The following PNPT1 variants were observed in gnomAD, a reference collection of about 807,000 sequenced individuals.
PNPT1 encodes the protein polyribonucleotide nucleotidyltransferase 1, mitochondrial.
PNPT1 carries 53 observed loss-of-function variants against 119.5 expected under a neutral mutation model. That is an observed-to-expected ratio of 0.44 (90% CI 0.36 to 0.56). PNPT1 has a LOEUF of 0.56. Among genes scored for constraint, PNPT1 ranks in the 20% least tolerant of loss-of-function variants. The pLI, the probability that PNPT1 is intolerant of heterozygous loss-of-function variation, is 0.00. For synonymous variants in PNPT1, 357 were observed against 322.1 expected, an observed-to-expected ratio of 1.11 and a Z score of -1.16; for missense variants, 948 against 938.5, an observed-to-expected ratio of 1.01 and a Z score of -0.13.
intron 2 of PNPT1, 58 bp from the exon 3 acceptor site, chr2:55,686,502 G>C (rs1210926777): frequency 7.7e-7 from 1 of 1,295,596 alleles, no homozygotes; most frequent in Admixed American, 1.9e-5. Context: ...TAGCATCTAA[G>C]TAGCAACTGA....
chr2:55,665,454 G>A (rs1478028455), intron 13 of PNPT1, among the ~76,000 whole-genome samples: 1 of 152,020 alleles, frequency 6.6e-6, no homozygotes, highest in Non-Finnish European at 1.5e-5. Context: ...TAAAGAAGGA[G>A]ACATATATAT....
At chr2:55,645,303 C>T (rs1167738845) in intron 22 of PNPT1, 46 bp downstream of exon 22, 16 of 1,352,114 alleles carry the variant, frequency 1.2e-5, no homozygotes, top group East Asian at 9.3e-5. Flanking sequence ...GGATTACAGG[C>T]GTGAGCCACC....
chr2:55,684,858 A>G (rs1188608887), intron 4 of PNPT1, 85 bp downstream of exon 4: 1 of 1,355,970 alleles, frequency 7.4e-7, no homozygotes, highest in Non-Finnish European at 9.6e-7. Context: ...AAAACTTAAG[A>G]CTTATTGTAG....
intron 1 of PNPT1, among the ~76,000 whole-genome samples, chr2:55,688,609 C>T (rs1019721558): frequency 6.6e-6 from 1 of 152,000 alleles, no homozygotes; most frequent in African/African-American, 2.4e-5. Flanking sequence ...TCTATAATCC[C>T]AGCTACCAAG....
chr2:55,636,205 T>C lies in PNPT1; in HGVS notation c.*32A>G, dbSNP rs777184810. The C allele has an allele frequency of 4.3e-5, 66 of 1,537,606 alleles. No individual in the cohort carries two copies. The Admixed American group carries it at 4.5e-4, about 10-fold the overall frequency. ...CTACAGCACATCACCCTAGACAAAA[T>C]AGAATTCTAGAATTCTCTTTAAAAA... is the stretch of plus-strand genomic sequence containing the variant. On this transcript the variant is annotated 3_prime_UTR_variant, in exon 28 of 28. Coordinates refer to ENST00000447944, the MANE Select transcript of PNPT1 (RefSeq NM_033109.5).
At position 55,643,303 on chromosome 2, in the gene PNPT1, T is replaced by C; in HGVS notation, c.2013+16A>G. On this transcript the variant is annotated intron_variant, in intron 24 of 27. Coordinates refer to ENST00000447944, the MANE Select transcript of PNPT1 (RefSeq NM_033109.5). ...ATATAGCTATATGATACGTAATTAA[T>C]ATGATCTATACTTACATCATCCTTG... is the stretch of plus-strand genomic sequence containing the variant. 6.2e-7 allele frequency: 1 copy of C among 1,610,100 alleles called. No homozygotes were observed. The highest frequency in any genetic ancestry group is 8.5e-7 in the Non-Finnish European group (1 of 1,176,354).
intron 18 of PNPT1, among the ~76,000 whole-genome samples, chr2:55,650,605 C>G (rs1324940011): frequency 1.3e-5 from 2 of 151,742 alleles, no homozygotes; most frequent in Admixed American, 6.6e-5. Flanking sequence ...CGGCCGCCAT[C>G]CCATCTGGGA....
At chr2:55,650,840 C>T (rs1163180632) in intron 18 of PNPT1, among the ~76,000 whole-genome samples, 2 of 151,796 alleles carry the variant, frequency 1.3e-5, no homozygotes, top group Non-Finnish European at 2.9e-5. Flanking sequence ...GCAGCCACCC[C>T]GTCTGGGAAG....
chr2:55,677,596 CAAAAAAAAAA>C (rs70954146), intron 8 of PNPT1, among the ~76,000 whole-genome samples: 1 of 33,504 alleles, frequency 3.0e-5, no homozygotes, highest in African/African-American at 1.4e-4. Flanking sequence ...GACTATGTCT[CAAAAAAAAAA>C]AAAAAAAAAA....
In PNPT1 at chr2:55,660,077, C is replaced by T. The variant is rs1696515157; in HGVS notation, c.1284+80G>A. 45 of 1,388,674 alleles carry T rather than the reference C, an allele frequency of 3.2e-5. 3 individuals carry two copies. The South Asian group carries it at 6.2e-4, about 19-fold the overall frequency. 86.0% of individuals were successfully genotyped at this position (1,388,674 alleles called of 1,614,324 possible). ...TGAGACTGCACCACTCCACTCCAGC[C>T]TGGACAACAGGGTGAGACCTCGTCT... On this transcript the variant is annotated intron_variant, in intron 15 of 27. Coordinates refer to ENST00000447944, the MANE Select transcript of PNPT1 (RefSeq NM_033109.5).
intron 18 of PNPT1, among the ~76,000 whole-genome samples, chr2:55,649,099 C>T (rs1036242062): frequency 6.6e-6 from 1 of 152,150 alleles, no homozygotes; most frequent in African/African-American, 2.4e-5. Flanking sequence ...AGTAAACTCC[C>T]TGTCAGACAT....
intron 18 of PNPT1, among the ~76,000 whole-genome samples, chr2:55,648,008 C>G (rs1396216846): frequency 1.3e-5 from 2 of 152,154 alleles, no homozygotes; most frequent in Non-Finnish European, 2.9e-5. Context: ...AACTTTATAA[C>G]TTTTAAATTA....
intron 10 of PNPT1, 56 bp from the exon 11 acceptor site, chr2:55,671,432 T>G (rs1696911254): frequency 9.3e-7 from 1 of 1,070,520 alleles, no homozygotes. Context: ...TTAATATTTC[T>G]GTTTTCTAAT....
intron 25 of PNPT1, among the ~76,000 whole-genome samples, chr2:55,641,805 C>T (rs1403734420): frequency 6.7e-6 from 1 of 150,074 alleles, no homozygotes; most frequent in Non-Finnish European, 1.5e-5. Context: ...AAAACAAGCT[C>T]TTCTAGCTGG....
At position 55,672,877 on chromosome 2, in the gene PNPT1, G is replaced by C; in HGVS notation, c.866+16C>G. 1 of 1,568,290 alleles carries C rather than the reference G, an allele frequency of 6.4e-7. No individual in the cohort carries two copies. Among genetic ancestry groups the C allele is most frequent in the Non-Finnish European group, 8.6e-7 (1 of 1,161,598 alleles). ...TGATGACAATTTCATATTTTCATTT[G>C]CACAGATGTTCTTACTTATGAGTAT... On this transcript the variant is annotated intron_variant, in intron 9 of 27. Transcript: ENST00000447944.
In PNPT1 at chr2:55,645,402, T is replaced by C. The variant is rs762660177; in HGVS notation, c.1769A>G (p.Asn590Ser). The change falls in exon 22 of 28, where the codon AAC (asparagine) becomes AGC (serine). Residue 590 changes from asparagine to serine, a missense_variant. Transcript: ENST00000447944. ...TGCTCGAGGTTTTGAAATAGTTTTGTTCATGATCTGTAATATCTCCTTTTT... is the reference window on the plus strand; with the variant it reads ...TGCTCGAGGTTTTGAAATAGTTTTGCTCATGATCTGTAATATCTCCTTTTT... ...VAKKEILQIM[N>S]KTISKPRASR... 1.2e-6 allele frequency: 2 copies of C among 1,612,366 alleles called. No individual in the cohort carries two copies. Among genetic ancestry groups the C allele is most frequent in the East Asian group, 2.2e-5 (1 of 44,874 alleles).
intron 18 of PNPT1, among the ~76,000 whole-genome samples, chr2:55,652,410 A>G (rs1210946566): frequency 6.6e-6 from 1 of 152,188 alleles, no homozygotes; most frequent in Non-Finnish European, 1.5e-5. Context: ...TAATTTTTAA[A>G]CTATTAAGCT....
In PNPT1 at chr2:55,685,119, T is replaced by C. The variant is rs868105757; in HGVS notation, c.298-71A>G. 2.1e-5 allele frequency: 24 copies of C among 1,152,108 alleles called. No homozygotes were observed. In the Middle Eastern group the frequency reaches 1.8e-3, roughly 88 times the overall value. 71.4% of individuals were successfully genotyped at this position (1,152,108 alleles called of 1,614,324 possible). On this transcript the variant is annotated intron_variant, in intron 3 of 27. Transcript: ENST00000447944. ...ACAAACTATACTGTATGAATGCTAA[T>C]TCTCCTGAGGTTGCTAACAACACAG...
chr2:55,645,475 T>C (rs1695963635), intron 21 of PNPT1, 43 bp from the exon 22 acceptor site: 14 of 1,299,550 alleles, frequency 1.1e-5, no homozygotes, highest in African/African-American at 3.0e-5. Context: ...ATAAAACAAA[T>C]ATGATCTGAA....
Sources: gnomAD v4.1 joint callset for allele counts (sites outside exome capture counted in the v4.1 genomes callset) on GRCh38, gnomAD v4.1.1 for gene constraint, MANE v1.5 for transcripts, NCBI Gene and HGNC (gene_info 2026-07-23, HGNC 2026-07-21) for gene names.